The following ANO4 variants were observed in gnomAD, a reference collection of about 807,000 sequenced individuals.
ANO4 encodes anoctamin-4.
In ANO4, 69 loss-of-function variants were observed where a neutral mutation model predicts 141.9. The observed-to-expected ratio is 0.49, with a 90% CI of 0.40 to 0.59. The LOEUF is 0.59. ANO4 is among the 20% of genes least tolerant of loss of function. The pLI, the probability that ANO4 is intolerant of heterozygous loss-of-function variation, is 0.00. For missense variants in ANO4, 894 were observed against 1,162.2 expected, an observed-to-expected ratio of 0.77 and a Z score of 3.36; for synonymous variants, 350 against 394.3, an observed-to-expected ratio of 0.89 and a Z score of 1.33.
At chr12:100,990,838 A>G (rs7299062) in intron 8 of ANO4, among the ~76,000 whole-genome samples, 3,447 of 152,308 alleles carry the variant, frequency 0.023, 141 homozygotes, top group African/African-American at 0.079. Context: ...GCATCCCAAG[A>G]GGAGACAGTA....
intron 1 of ANO4, among the ~76,000 whole-genome samples, chr12:100,888,635 G>T (rs745632603): frequency 6.6e-6 from 1 of 152,222 alleles, no homozygotes; most frequent in Non-Finnish European, 1.5e-5. Flanking sequence ...CCAACTGGAG[G>T]CCTGTGAGGG....
intron 1 of ANO4, among the ~76,000 whole-genome samples, chr12:100,888,643 G>C (rs537682469): frequency 6.6e-6 from 1 of 152,348 alleles, no homozygotes; most frequent in East Asian, 1.9e-4. Flanking sequence ...AGGCCTGTGA[G>C]GGAGCCCAGG....
At chr12:100,851,733 G>T (rs1212702071) in intron 1 of ANO4, among the ~76,000 whole-genome samples, 1 of 152,146 alleles carries the variant, frequency 6.6e-6, no homozygotes, top group Non-Finnish European at 1.5e-5. Flanking sequence ...TCAAGTAGGG[G>T]GTATGTGAAG....
chr12:100,793,878 G>A (rs1331550440), upstream of ANO4, among the ~76,000 whole-genome samples: 3 of 152,120 alleles, frequency 2.0e-5, no homozygotes, highest in Admixed American at 6.6e-5. Flanking sequence ...AGTCCTCCAC[G>A]CATCCTTCAT....
chr12:100,766,887 T>C (rs1211072206), intron 3 of ANO4, among the ~76,000 whole-genome samples: 1 of 152,172 alleles, frequency 6.6e-6, no homozygotes, highest in Admixed American at 6.5e-5. Flanking sequence ...TATATTTAGG[T>C]GCTAAGCACT....
At chr12:100,989,015 G>A (rs997637062) in intron 8 of ANO4, among the ~76,000 whole-genome samples, 2 of 152,110 alleles carry the variant, frequency 1.3e-5, no homozygotes, top group Admixed American at 6.6e-5. Context: ...CAGGGCAAAG[G>A]GGAAAAGAAA....
chr12:101,074,284 C>T (rs1389890765), intron 14 of ANO4, among the ~76,000 whole-genome samples: 1 of 152,230 alleles, frequency 6.6e-6, no homozygotes, highest in South Asian at 2.1e-4. Flanking sequence ...CTCAGGGACT[C>T]ATGTTCCTAC....
At chr12:100,749,468 C>T (rs1252552023) in intron 3 of ANO4, among the ~76,000 whole-genome samples, 2 of 152,168 alleles carry the variant, frequency 1.3e-5, no homozygotes, top group African/African-American at 2.4e-5. Context: ...CTAAACTTGC[C>T]TATATTGTTC....
chr12:101,020,461 G>A (rs1330463316), intron 9 of ANO4, among the ~76,000 whole-genome samples: 1 of 152,186 alleles, frequency 6.6e-6, no homozygotes, highest in East Asian at 1.9e-4. Flanking sequence ...GAAATTAAAA[G>A]CAGACAATAA....
At position 101,077,710 on chromosome 12, in the gene ANO4, A is replaced by G. The variant is rs115099747; in HGVS notation, c.1313-1483A>G. Reference sequence around the variant, plus strand: ...AAATACATTAGTATGGCTGCTTTTAATACATGAAAAGTCTCACTAAGAAGA... The same window carrying G: ...AAATACATTAGTATGGCTGCTTTTAGTACATGAAAAGTCTCACTAAGAAGA... On this transcript the variant is annotated intron_variant, in intron 14 of 27. Coordinates refer to ENST00000392977, the MANE Select transcript of ANO4 (RefSeq NM_001286615.2). 7.9e-3 allele frequency among the ~76,000 whole-genome samples: 1,197 copies of G among 152,282 alleles called. 17 individuals are homozygous for G. Among genetic ancestry groups the G allele is most frequent in the African/African-American group, 0.028 (1,147 of 41,568 alleles).
chr12:101,045,544 A>G (rs1168415503), intron 13 of ANO4, among the ~76,000 whole-genome samples: 3 of 152,202 alleles, frequency 2.0e-5, no homozygotes, highest in South Asian at 2.1e-4. Flanking sequence ...ATACACAGAA[A>G]TATTAAATCA....
At chr12:100,860,345 C>T (rs563276056) in intron 1 of ANO4, among the ~76,000 whole-genome samples, 1 of 152,132 alleles carries the variant, frequency 6.6e-6, no homozygotes, top group Non-Finnish European at 1.5e-5. Flanking sequence ...TTAAAACTGC[C>T]TAATACATGT....
chr12:100,865,799 C>T (rs1593563496), intron 1 of ANO4, among the ~76,000 whole-genome samples: 3 of 152,236 alleles, frequency 2.0e-5, no homozygotes, highest in African/African-American at 7.2e-5. Flanking sequence ...GTAAGAAAAG[C>T]ACAGGGACAT....
At chr12:100,755,095 A>G (rs534209276) in intron 3 of ANO4, among the ~76,000 whole-genome samples, 1 of 152,326 alleles carries the variant, frequency 6.6e-6, no homozygotes, top group South Asian at 2.1e-4. Flanking sequence ...TGCAAAACCC[A>G]TCAATGATCT....
intron 14 of ANO4, among the ~76,000 whole-genome samples, chr12:101,070,496 G>A (rs540617241): frequency 1.3e-4 from 19 of 151,950 alleles, no homozygotes; most frequent in Non-Finnish European, 1.6e-4. Flanking sequence ...TTATCTTTCC[G>A]CATATACAAA....
chr12:100,722,606 C>T (rs1342913002), intron 1 of ANO4, among the ~76,000 whole-genome samples: 1 of 152,136 alleles, frequency 6.6e-6, no homozygotes, highest in East Asian at 1.9e-4. Context: ...AAGCCCTTTC[C>T]ATAGCAGGTT....
At chr12:100,889,374 A>G (rs1245400657) in intron 1 of ANO4, among the ~76,000 whole-genome samples, 1 of 152,180 alleles carries the variant, frequency 6.6e-6, no homozygotes, top group African/African-American at 2.4e-5. Flanking sequence ...AGCATGATTT[A>G]TAGTCCTTTG....
At chr12:100,736,800 A>G (rs2031637844) in intron 2 of ANO4, among the ~76,000 whole-genome samples, 2 of 151,488 alleles carry the variant, frequency 1.3e-5, no homozygotes, top group Admixed American at 6.6e-5. Flanking sequence ...AGGCAGAGAT[A>G]TGAGTGATGC....
At chr12:100,970,194 C>T (rs1566071029) in intron 5 of ANO4, among the ~76,000 whole-genome samples, 1 of 152,160 alleles carries the variant, frequency 6.6e-6, no homozygotes, top group Non-Finnish European at 1.5e-5. Context: ...TTTGCTTTTG[C>T]CTGGATGACT....
Sources: gnomAD v4.1 joint callset for allele counts (sites outside exome capture counted in the v4.1 genomes callset) on GRCh38, gnomAD v4.1.1 for gene constraint, MANE v1.5 for transcripts, NCBI Gene and HGNC (gene_info 2026-07-23, HGNC 2026-07-21) for gene names.